SOX6: variants seen among roughly 807,000 people sequenced by gnomAD.
SOX6 encodes transcription factor SOX-6.
Under a neutral mutation model 97.8 loss-of-function variants are expected in SOX6, and 11 were observed. That is an observed-to-expected ratio of 0.11 (90% CI 0.07 to 0.19). The LOEUF (loss-of-function observed/expected upper bound fraction) is 0.19. Ranked by LOEUF, SOX6 falls within the 10% of genes least tolerant of loss-of-function variation. SOX6 has a pLI of 1.00. For synonymous variants in SOX6, 360 were observed against 371.4 expected, an observed-to-expected ratio of 0.97 and a Z score of 0.35; for missense variants, 810 against 1,039.5, an observed-to-expected ratio of 0.78 and a Z score of 3.04.
chr11:16,597,828 G>A (rs944423095), intron 4 of SOX6, among the ~76,000 whole-genome samples: 2 of 151,938 alleles, frequency 1.3e-5, no homozygotes, highest in African/African-American at 2.4e-5. Context: ...CTAGGCCTTA[G>A]AATTGTAGTT....
At chr11:16,383,257 T>C (rs1857882895) in intron 1 of SOX6, among the ~76,000 whole-genome samples, 1 of 151,916 alleles carries the variant, frequency 6.6e-6, no homozygotes, top group Non-Finnish European at 1.5e-5. Context: ...AGATTCCTTA[T>C]ACAGCAACAT....
upstream of SOX6, among the ~76,000 whole-genome samples, chr11:16,361,012 AAAGAAG>A: frequency 6.7e-6 from 1 of 149,606 alleles, no homozygotes; most frequent in East Asian, 2.0e-4. Flanking sequence ...CAAAAAAAAA[AAAGAAG>A]AAGAAGAAGA....
intron 10 of SOX6, among the ~76,000 whole-genome samples, chr11:16,053,994 A>G (rs987461273): frequency 6.6e-6 from 1 of 152,166 alleles, no homozygotes; most frequent in African/African-American, 2.4e-5. Context: ...TAAGTAAAAG[A>G]AATATTTCCT....
At chr11:16,164,657 C>T (rs1850838156) in intron 6 of SOX6, among the ~76,000 whole-genome samples, 1 of 151,916 alleles carries the variant, frequency 6.6e-6, no homozygotes, top group Non-Finnish European at 1.5e-5. Flanking sequence ...CCCGTCTCTA[C>T]TAAACTACAA....
rs1274765819 is a variant in SOX6, at chr11:16,636,929, C to T, written n.430-24669G>A. Among the ~76,000 whole-genome samples, 3 of 152,302 alleles carry T rather than the reference C, an allele frequency of 2.0e-5. No individual in the cohort carries two copies. The East Asian group carries it at 5.8e-4, about 29-fold the overall frequency. Reference sequence around the variant, plus strand: ...CCACAGAACTTTGAGTCAATTAAACCTCTTTCCTTTATAAATTGCCCAGTC... The same window carrying T: ...CCACAGAACTTTGAGTCAATTAAACTTCTTTCCTTTATAAATTGCCCAGTC... On this transcript the variant is annotated intron_variant and non_coding_transcript_variant, in intron 3 of 5. Transcript: ENST00000524520.
intron 1 of SOX6, among the ~76,000 whole-genome samples, chr11:16,378,856 A>T (rs1406996231): frequency 6.6e-6 from 1 of 152,138 alleles, no homozygotes; most frequent in Non-Finnish European, 1.5e-5. Context: ...CTATTTTAGC[A>T]TATAAAGACC....
intron 3 of SOX6, among the ~76,000 whole-genome samples, chr11:16,626,118 AC>A (rs1272423285): frequency 1.3e-5 from 2 of 152,158 alleles, no homozygotes; most frequent in Non-Finnish European, 1.5e-5. Flanking sequence ...ATGCTAGGAC[AC>A]CCACTCAATG....
intron 3 of SOX6, among the ~76,000 whole-genome samples, chr11:16,295,220 C>T (rs938133853): frequency 9.2e-5 from 14 of 151,966 alleles, no homozygotes; most frequent in Non-Finnish European, 1.3e-4. Context: ...GAAAGTTCTA[C>T]GAGACTTATT....
At chr11:16,476,238 T>C (rs779656160) in intron 1 of SOX6, 2 of 152,208 alleles carry the variant, frequency 1.3e-5, no homozygotes, top group Non-Finnish European at 2.9e-5. Flanking sequence ...TCACACGCAC[T>C]AGGAGTTAAG....
At chr11:16,173,551 T>C (rs1851097408) in intron 6 of SOX6, among the ~76,000 whole-genome samples, 1 of 151,224 alleles carries the variant, frequency 6.6e-6, no homozygotes, top group South Asian at 2.1e-4. Flanking sequence ...TTGTATTAAT[T>C]TTCTTGCTTT....
At position 16,677,948 on chromosome 11, in the gene SOX6, T is replaced by C. The variant is rs1430157721; in HGVS notation, n.429+36882A>G. Among the ~76,000 whole-genome samples, 3 of 152,206 alleles carry C rather than the reference T, an allele frequency of 2.0e-5. 1 individual carries two copies. In the East Asian group the frequency reaches 5.8e-4, roughly 29 times the overall value. Reference sequence around the variant, plus strand: ...CTGGTAGTGTCTTTTAAGAAATTGATTTCAATTTCATCTAAGCTATTGAAT... The same window carrying C: ...CTGGTAGTGTCTTTTAAGAAATTGACTTCAATTTCATCTAAGCTATTGAAT... On this transcript the variant is annotated intron_variant and non_coding_transcript_variant, in intron 3 of 5. Transcript: ENST00000524520.
chr11:16,598,432 C>A (rs1472561798), intron 4 of SOX6, among the ~76,000 whole-genome samples: 1 of 151,996 alleles, frequency 6.6e-6, no homozygotes, highest in Non-Finnish European at 1.5e-5. Context: ...TTATCAACAA[C>A]CTGCTTAGCA....
At chr11:16,119,448 A>G (rs1849436111) in intron 6 of SOX6, among the ~76,000 whole-genome samples, 1 of 152,200 alleles carries the variant, frequency 6.6e-6, no homozygotes, top group Non-Finnish European at 1.5e-5. Flanking sequence ...TTTGTTGGCC[A>G]CAGCCTTAAG....
intron 7 of SOX6, among the ~76,000 whole-genome samples, chr11:16,102,614 C>T (rs1848977092): frequency 6.6e-6 from 1 of 151,926 alleles, no homozygotes; most frequent in African/African-American, 2.4e-5. Context: ...ACCACATTAC[C>T]TGACTGCAAA....
chr11:16,447,591 T>A (rs936736023), intron 1 of SOX6, among the ~76,000 whole-genome samples: 2 of 152,130 alleles, frequency 1.3e-5, no homozygotes, highest in African/African-American at 4.8e-5. Context: ...TATTAATAGA[T>A]TATACACTAC....
intron 3 of SOX6, among the ~76,000 whole-genome samples, chr11:16,653,133 A>T (rs766627825): frequency 2.0e-5 from 3 of 152,222 alleles, no homozygotes; most frequent in Non-Finnish European, 4.4e-5. Flanking sequence ...GTTGGCATGG[A>T]TGCAGTGAAA....
intron 1 of SOX6, among the ~76,000 whole-genome samples, chr11:16,422,949 G>T (rs1442411139): frequency 6.6e-6 from 1 of 151,954 alleles, no homozygotes; most frequent in Non-Finnish European, 1.5e-5. Context: ...TTCAACAACT[G>T]CTCTTCTATA....
intron 13 of SOX6, among the ~76,000 whole-genome samples, chr11:15,990,333 C>A (rs1040672280): frequency 6.6e-6 from 1 of 151,680 alleles, no homozygotes; most frequent in African/African-American, 2.4e-5. Flanking sequence ...TTATTTCAAG[C>A]GTCCTGTTCT....
At chr11:16,070,104 G>A (rs1848189670) in intron 9 of SOX6, among the ~76,000 whole-genome samples, 1 of 152,124 alleles carries the variant, frequency 6.6e-6, no homozygotes. Context: ...GCAGTGTGCC[G>A]AGATTGCGCC....
Sources: gnomAD v4.1 joint callset for allele counts (sites outside exome capture counted in the v4.1 genomes callset) on GRCh38, gnomAD v4.1.1 for gene constraint, MANE v1.5 for transcripts, NCBI Gene and HGNC (gene_info 2026-07-23, HGNC 2026-07-21) for gene names.